The following TRAK2 variants were observed in gnomAD, a reference collection of about 807,000 sequenced individuals.
TRAK2 encodes the protein trafficking kinesin-binding protein 2.
A neutral mutation model predicts 104.6 loss-of-function variants in TRAK2; 81 were observed. The observed-to-expected ratio is 0.77, with a 90% CI of 0.65 to 0.93. The LOEUF (loss-of-function observed/expected upper bound fraction) is 0.93. Ranked by LOEUF, TRAK2 falls within the 40% of genes least tolerant of loss-of-function variation. The pLI, the probability that TRAK2 is intolerant of heterozygous loss-of-function variation, is 0.00. For synonymous variants in TRAK2, 406 were observed against 394.4 expected (o/e 1.03, Z -0.35); for missense variants, 1,002 against 1,089.0 (o/e 0.92, Z 1.12).
intron 1 of TRAK2, among the ~76,000 whole-genome samples, chr2:201,423,252 A>G (rs1319077993): frequency 6.6e-6 from 1 of 152,102 alleles, no homozygotes; most frequent in Non-Finnish European, 1.5e-5. Context: ...ATTTTTCTAT[A>G]TTTGAACTCA....
chr2:201,427,639 C>T (rs762392058), intron 1 of TRAK2, among the ~76,000 whole-genome samples: 2 of 152,154 alleles, frequency 1.3e-5, no homozygotes, highest in African/African-American at 4.8e-5. Flanking sequence ...CATACACGTG[C>T]ATGTGTCTGT....
At chr2:201,388,102 A>G (rs1474889655) in intron 12 of TRAK2, 101 bp from the exon 13 acceptor site, 4 of 1,261,894 alleles carry the variant, frequency 3.2e-6, no homozygotes, top group Non-Finnish European at 3.5e-6. Flanking sequence ...CTGATATTAA[A>G]AACATGATAT....
chr2:201,385,737 C>T (rs986996324), intron 14 of TRAK2, among the ~76,000 whole-genome samples: 1 of 152,084 alleles, frequency 6.6e-6, no homozygotes, highest in African/African-American at 2.4e-5. Context: ...GAGAATAAAG[C>T]TATTTTGTAT....
intron 1 of TRAK2, among the ~76,000 whole-genome samples, chr2:201,431,919 T>G (rs1343856526): frequency 6.6e-6 from 1 of 152,200 alleles, no homozygotes; most frequent in Non-Finnish European, 1.5e-5. Context: ...AAGTGAATTA[T>G]GACAGGATAA....
rs1262017119 is a variant in TRAK2, at chr2:201,380,718, C to A, written c.2570G>T (p.Arg857Ile). The A allele has an allele frequency of 5.0e-6, 8 of 1,613,990 alleles. No individual in the cohort carries two copies. The highest frequency in any genetic ancestry group is 1.1e-5 in the South Asian group (1 of 91,086). ...AGGACCAATTTCTGCCTCCTGGCAT[C>A]TTCCATTCTCTTGGGCACCAGGGTT... ...VKNPGAQENGRCQEAEIGPQK... is the reference protein window; with the variant it reads ...VKNPGAQENGICQEAEIGPQK... Residue 857 changes from arginine (R) to isoleucine (I), a missense_variant, in exon 16 of 16, where the codon AGA becomes ATA. Coordinates refer to ENST00000332624, the MANE Select transcript of TRAK2 (RefSeq NM_015049.3).
intron 1 of TRAK2, among the ~76,000 whole-genome samples, 197 bp from the exon 2 acceptor site, chr2:201,420,903 G>T (rs1043351429): frequency 2.0e-5 from 3 of 152,188 alleles, no homozygotes; most frequent in Non-Finnish European, 2.9e-5. Context: ...TAAAATTCTA[G>T]AAAATGTCCA....
Position 201,394,835 on chromosome 2 carries a change from T to C in TRAK2, c.938A>G (p.Gln313Arg). 6.2e-7 allele frequency: 1 copy of C among 1,614,034 alleles called. No homozygotes were observed. The highest frequency in any genetic ancestry group is 8.5e-7 in the Non-Finnish European group (1 of 1,179,948). Residue 313 changes from glutamine (Q) to arginine (R), a missense_variant, in exon 9 of 16, where the codon CAA becomes CGA. By Grantham distance (43) the Gln-to-Arg change is conservative. Transcript: ENST00000332624. ...IEKEELKLHL[Q>R]ASKDAQRQLT... ...TTGCCGTTGGGCATCTTTGGAAGCT[T>C]GCAGGTGAAGTTTTAGTTCTTCCTT...
At chr2:201,395,541 C>G (rs1951494690) in intron 7 of TRAK2, 97 bp from the exon 8 acceptor site, 1 of 1,251,916 alleles carries the variant, frequency 8.0e-7, no homozygotes, top group Non-Finnish European at 1.1e-6. Context: ...ATAACAAGCA[C>G]TGGACTGTCG....
chr2:201,398,098 T>C (rs1951518255), intron 6 of TRAK2, 47 bp downstream of exon 6: 7 of 1,578,740 alleles, frequency 4.4e-6, no homozygotes, highest in Non-Finnish European at 5.2e-6. Context: ...GGACCTGAAC[T>C]TTATAGCCTT....
chr2:201,432,371 C>T (rs1366446009), intron 1 of TRAK2, among the ~76,000 whole-genome samples: 1 of 152,150 alleles, frequency 6.6e-6, no homozygotes, highest in African/African-American at 2.4e-5. Context: ...TTTTCAGGGC[C>T]ATCTACTTTC....
At chr2:201,393,476 C>T (rs1951466914) in intron 9 of TRAK2, among the ~76,000 whole-genome samples, 1 of 152,138 alleles carries the variant, frequency 6.6e-6, no homozygotes, top group African/African-American at 2.4e-5. Context: ...TCAGTGTGCT[C>T]AATCCTCCTA....
In TRAK2 at chr2:201,420,659, T is replaced by C. The variant is rs983332037; in HGVS notation, c.-152A>G. 1.6e-5 allele frequency: 10 copies of C among 625,172 alleles called. No homozygotes were observed. The highest frequency in any genetic ancestry group is 1.3e-4 in the South Asian group (7 of 52,356). 38.7% of individuals were successfully genotyped at this position (625,172 alleles called of 1,614,324 possible). A position where few individuals can be genotyped will look rare whatever the true frequency, so the allele number is the denominator to read the frequency against. ...TCTCTGATGAGTCAAATGACATCCG[T>C]AGCAACGAGCACTCTCATGTGATTA... On this transcript the variant is annotated 5_prime_UTR_variant, in exon 2 of 16. Coordinates refer to ENST00000332624, the MANE Select transcript of TRAK2 (RefSeq NM_015049.3).
chr2:201,420,314 G>A (rs909970928), intron 2 of TRAK2, 103 bp downstream of exon 2: 3 of 911,724 alleles, frequency 3.3e-6, no homozygotes, highest in Middle Eastern at 2.7e-4. Flanking sequence ...GACTAGAAAG[G>A]GAGGCTTGGG....
In TRAK2 at chr2:201,380,921, A is replaced by G. The variant is rs1576501603; in HGVS notation, c.2367T>C (p.Pro789=). ...GATGCACTCGAGGCTCAAAGGGTAA[A>G]GGAGAAGGGCAAGGTGAGTGAGATG... ...NSPSHSPCPS[P]LPFEPRVHLS... The change falls in exon 16 of 16, where the codon CCT becomes CCC. Residue 789 remains proline (P), a synonymous_variant. Coordinates refer to ENST00000332624, the MANE Select transcript of TRAK2 (RefSeq NM_015049.3). The G allele has an allele frequency of 6.2e-7, 1 of 1,614,114 alleles. No individual in the cohort carries two copies. The highest frequency in any genetic ancestry group is 8.5e-7 in the Non-Finnish European group (1 of 1,179,992).
intron 3 of TRAK2, among the ~76,000 whole-genome samples, chr2:201,401,987 G>C (rs1019254478): frequency 2.6e-5 from 4 of 152,002 alleles, no homozygotes; most frequent in Admixed American, 6.6e-5. Context: ...AGGGGCTTTG[G>C]AGTAGAAAAG....
At chr2:201,423,148 C>T (rs1951757943) in intron 1 of TRAK2, among the ~76,000 whole-genome samples, 1 of 151,690 alleles carries the variant, frequency 6.6e-6, no homozygotes, top group Non-Finnish European at 1.5e-5. Context: ...AATCATAGCT[C>T]ACTATAGCCT....
chr2:201,408,276 T>C (rs1234546291), intron 2 of TRAK2, among the ~76,000 whole-genome samples: 3 of 152,242 alleles, frequency 2.0e-5, no homozygotes, highest in Non-Finnish European at 4.4e-5. Context: ...CTAAATATAT[T>C]GCTTAGTGAC....
intron 1 of TRAK2, among the ~76,000 whole-genome samples, chr2:201,449,651 AT>A (rs1165373025): frequency 0.018 from 2,423 of 135,592 alleles, 45 homozygotes; most frequent in African/African-American, 0.048. Flanking sequence ...TGCCTGGCTA[AT>A]TTTTTTTTTT....
chr2:201,422,489 T>C (rs1372727261), intron 1 of TRAK2, among the ~76,000 whole-genome samples: 3 of 152,142 alleles, frequency 2.0e-5, no homozygotes, highest in East Asian at 3.9e-4. Flanking sequence ...ACAGGCATCA[T>C]AAATATTCAA....
Sources: gnomAD v4.1 joint callset for allele counts (sites outside exome capture counted in the v4.1 genomes callset) on GRCh38, gnomAD v4.1.1 for gene constraint, MANE v1.5 for transcripts, NCBI Gene and HGNC (gene_info 2026-07-23, HGNC 2026-07-21) for gene names.